The following AKNAD1 variants were observed in gnomAD, a reference collection of about 807,000 sequenced individuals.
AKNAD1 encodes the protein AKNA domain containing 1.
Under a neutral mutation model 90.8 loss-of-function variants are expected in AKNAD1, and 67 were observed. The ratio of observed to expected loss-of-function variants is 0.74; its 90% CI spans 0.61 to 0.90. AKNAD1 has a LOEUF of 0.90. Among genes scored for constraint, AKNAD1 ranks in the 40% least tolerant of loss-of-function variants. AKNAD1 has a pLI of 0.00. For missense variants in AKNAD1, 957 were observed against 975.4 expected, an observed-to-expected ratio of 0.98 and a Z score of 0.25; for synonymous variants, 327 against 341.4, an observed-to-expected ratio of 0.96 and a Z score of 0.46.
chr1:108,856,827 A>G (rs1340121268), intron 1 of AKNAD1, 102 bp downstream of exon 1: 10 of 152,002 alleles, frequency 6.6e-5, no homozygotes, highest in Non-Finnish European at 7.4e-5. Flanking sequence ...CCTGAGGAAC[A>G]CTCTCATTAC....
chr1:108,852,881 G>A (rs1664913433), intron 1 of AKNAD1, 114 bp from the exon 2 acceptor site: 2 of 407,442 alleles, frequency 4.9e-6, no homozygotes, highest in Non-Finnish European at 8.5e-6. Context: ...AAACAGGAAG[G>A]CAGGAAGCTC....
intron 14 of AKNAD1, among the ~76,000 whole-genome samples, chr1:108,819,050 A>G (rs1403610437): frequency 6.6e-6 from 1 of 151,504 alleles, no homozygotes; most frequent in Non-Finnish European, 1.5e-5. Context: ...GTAGGTTCAG[A>G]CTGAGTGGCT....
At chr1:108,834,098 C>T (rs1332369005) in intron 9 of AKNAD1, among the ~76,000 whole-genome samples, 1 of 152,164 alleles carries the variant, frequency 6.6e-6, no homozygotes, top group African/African-American at 2.4e-5. Flanking sequence ...CAGACCAGAA[C>T]CAGCAGCTTT....
intron 11 of AKNAD1, among the ~76,000 whole-genome samples, chr1:108,825,509 C>A (rs1570798142): frequency 1.3e-5 from 2 of 151,782 alleles, no homozygotes; most frequent in South Asian, 4.2e-4. Flanking sequence ...AACCCTTTTA[C>A]ACTCTTAAAA....
Position 108,852,351 on chromosome 1 carries a change from G to C in AKNAD1, c.314C>G (p.Ser105Cys), listed in dbSNP as rs1207537588. The C allele has an allele frequency of 3.1e-6, 5 of 1,614,088 alleles. No individual in the cohort carries two copies. Among genetic ancestry groups the C allele is most frequent in the Non-Finnish European group, 4.2e-6 (5 of 1,179,998 alleles). The change falls in exon 2 of 16, where the codon TCT (serine) becomes TGT (cysteine). Residue 105 changes from serine to cysteine, a missense_variant. By Grantham distance (112) the Ser-to-Cys change is moderately radical. Coordinates refer to ENST00000370001, the MANE Select transcript of AKNAD1 (RefSeq NM_152763.5). ...LHIPANEGDA[S>C]KSSISDILLH... The stretch of plus-strand genomic sequence containing the variant: ...TAAAATATCAGAAATGCTTGACTTA[G>C]AAGCGTCTCCTTCATTTGCTGGAAT...
chr1:108,847,145 A>G (rs1664725448), intron 5 of AKNAD1, among the ~76,000 whole-genome samples: 1 of 151,996 alleles, frequency 6.6e-6, no homozygotes, highest in African/African-American at 2.4e-5. Context: ...CCCATTTGTC[A>G]GCTTGAAAAC....
At chr1:108,845,050 C>G (rs34666309) in intron 5 of AKNAD1, among the ~76,000 whole-genome samples, 2 of 152,052 alleles carry the variant, frequency 1.3e-5, no homozygotes, top group Admixed American at 1.3e-4. Flanking sequence ...AACTCCTGAC[C>G]TCAGGTGGTC....
chr1:108,842,859 C>A (rs6696314), intron 6 of AKNAD1, among the ~76,000 whole-genome samples: 2,109 of 152,252 alleles, frequency 0.014, 52 homozygotes, highest in African/African-American at 0.047. Flanking sequence ...TGATATTCAA[C>A]AAATTGCAAA....
At chr1:108,821,767 T>A (rs1618781) in intron 13 of AKNAD1, among the ~76,000 whole-genome samples, 45,145 of 151,886 alleles carry the variant, frequency 0.3, 7,424 homozygotes, top group East Asian at 0.7. Flanking sequence ...GAAAGACAGA[T>A]AAAGGAAAAA....
intron 11 of AKNAD1, 119 bp downstream of exon 11, chr1:108,827,086 C>T: frequency 1.4e-6 from 1 of 717,974 alleles, no homozygotes; most frequent in Non-Finnish European, 2.4e-6. Context: ...CAACATGCAA[C>T]ATCCTAGTGT....
chr1:108,854,753 T>C (rs1557840297), intron 1 of AKNAD1, among the ~76,000 whole-genome samples: 1 of 152,152 alleles, frequency 6.6e-6, no homozygotes, highest in Non-Finnish European at 1.5e-5. Flanking sequence ...CTAATCCAAG[T>C]TGAAGAACAA....
intron 3 of AKNAD1, 144 bp downstream of exon 3, chr1:108,849,393 C>A: frequency 1.7e-6 from 1 of 605,916 alleles, no homozygotes; most frequent in African/African-American, 1.9e-5. Context: ...GTGGGAGGAT[C>A]ATTTGAGCCC....
At chr1:108,845,829 G>A (rs1664686202) in intron 5 of AKNAD1, among the ~76,000 whole-genome samples, 1 of 152,166 alleles carries the variant, frequency 6.6e-6, no homozygotes, top group South Asian at 2.1e-4. Flanking sequence ...ACAAACATTT[G>A]GAGCTATAGA....
At chr1:108,831,470 G>C (rs983811262) in intron 9 of AKNAD1, among the ~76,000 whole-genome samples, 2 of 152,196 alleles carry the variant, frequency 1.3e-5, no homozygotes, top group Non-Finnish European at 2.9e-5. Flanking sequence ...CAACAGTGTG[G>C]ACGGCTCAGT....
intron 6 of AKNAD1, among the ~76,000 whole-genome samples, chr1:108,838,453 C>G (rs1664447010): frequency 6.6e-6 from 1 of 151,708 alleles, no homozygotes; most frequent in African/African-American, 2.4e-5. Context: ...CATAGGAAAA[C>G]CAATGTAATG....
chr1:108,826,030 G>C (rs1449653234), intron 11 of AKNAD1, among the ~76,000 whole-genome samples: 1 of 151,680 alleles, frequency 6.6e-6, no homozygotes, highest in Non-Finnish European at 1.5e-5. Flanking sequence ...GTAAAGGAAG[G>C]ACCTGGTGGC....
intron 6 of AKNAD1, among the ~76,000 whole-genome samples, chr1:108,839,477 A>AAAG (rs1377147027): frequency 6.6e-6 from 1 of 151,586 alleles, no homozygotes; most frequent in East Asian, 1.9e-4. Context: ...TCAATAAAAA[A>AAAG]AAAAAGAAAA....
chr1:108,856,718 T>TAAACACACACA (rs1287589720), intron 1 of AKNAD1, among the ~76,000 whole-genome samples: 3,841 of 142,674 alleles, frequency 0.027, 77 homozygotes, highest in Non-Finnish European at 0.039. Context: ...TCTCTCTCTC[T>TAAACACACACA]CACACACACA....
intron 7 of AKNAD1, among the ~76,000 whole-genome samples, chr1:108,835,945 C>G (rs1358828984): frequency 6.6e-6 from 1 of 152,146 alleles, no homozygotes; most frequent in Non-Finnish European, 1.5e-5. Flanking sequence ...GTATATGTCT[C>G]TCTTACAGAA....
Sources: gnomAD v4.1 joint callset for allele counts (sites outside exome capture counted in the v4.1 genomes callset) on GRCh38, gnomAD v4.1.1 for gene constraint, MANE v1.5 for transcripts, NCBI Gene and HGNC (gene_info 2026-07-23, HGNC 2026-07-21) for gene names.